MAPK4: variants seen among roughly 807,000 people sequenced by gnomAD.
MAPK4 encodes the protein Erk3-related.
Under a neutral mutation model 47.7 loss-of-function variants are expected in MAPK4, and 22 were observed. The observed-to-expected ratio is 0.46, with a 90% confidence interval of 0.33 to 0.66. The LOEUF is 0.66. Among genes scored for constraint, MAPK4 ranks in the 30% least tolerant of loss-of-function variants. MAPK4 has a pLI of 0.02. For synonymous variants in MAPK4, 390 were observed against 365.7 expected (o/e 1.07, Z -0.76); for missense variants, 736 against 831.7 (o/e 0.88, Z 1.42).
chr18:50,632,017 T>C (rs371449195), intron 1 of MAPK4, among the ~76,000 whole-genome samples: 3 of 152,112 alleles, frequency 2.0e-5, no homozygotes, highest in African/African-American at 7.2e-5. Context: ...TGTTGGCACG[T>C]GTGGGTGGCC....
In MAPK4 at chr18:50,729,364, G is replaced by A; in HGVS notation, c.1274G>A (p.Gly425Glu). The change falls in exon 6 of 6, where the codon GGG (glycine) becomes GAG (glutamate). Residue 425 changes from glycine to glutamate, a missense_variant. Around this residue, in one of 3 missense-constraint regions of MAPK4, gnomAD observed 377 missense variants for 378.6 expected, o/e 1.00. Coordinates refer to ENST00000400384, the MANE Select transcript of MAPK4 (RefSeq NM_002747.4). ...GAGCGCGCCTTCGAGGCCGACTACG[G>A]GCGCTCCTGCGACTACAAGGTGGGG... ...SMERAFEADYGRSCDYKVGSP... is the reference protein window; with the variant it reads ...SMERAFEADYERSCDYKVGSP... 6.3e-7 allele frequency: 1 copy of A among 1,577,016 alleles called. No individual in the cohort carries two copies. Among genetic ancestry groups the A allele is most frequent in the Middle Eastern group, 1.7e-4 (1 of 6,022 alleles).
At chr18:50,661,607 T>C (rs571837900) in intron 1 of MAPK4, among the ~76,000 whole-genome samples, 3 of 152,294 alleles carry the variant, frequency 2.0e-5, no homozygotes, top group African/African-American at 7.2e-5. Flanking sequence ...GGATGTGCTC[T>C]GGGCATTTGG....
chr18:50,667,409 G>A (rs1276711869), intron 2 of MAPK4, among the ~76,000 whole-genome samples: 2 of 152,150 alleles, frequency 1.3e-5, no homozygotes, highest in Non-Finnish European at 2.9e-5. Flanking sequence ...TTGTGTGGTT[G>A]GAAGGGTTGA....
chr18:50,720,311 C>T (rs919587070), intron 3 of MAPK4, among the ~76,000 whole-genome samples: 8 of 152,172 alleles, frequency 5.3e-5, no homozygotes, highest in African/African-American at 1.9e-4. Context: ...ACATCTGCTA[C>T]AAGCAAGGTA....
intron 1 of MAPK4, among the ~76,000 whole-genome samples, chr18:50,562,903 G>A (rs1350632488): frequency 1.3e-5 from 2 of 152,134 alleles, no homozygotes; most frequent in African/African-American, 4.8e-5. Flanking sequence ...ACATGGAACT[G>A]TGGTTTTTCT....
chr18:50,695,996 C>G (rs2144364786), intron 2 of MAPK4, among the ~76,000 whole-genome samples: 1 of 152,094 alleles, frequency 6.6e-6, no homozygotes, highest in East Asian at 1.9e-4. Context: ...GATTTGAACC[C>G]AGCCTCAGAG....
At position 50,727,631 on chromosome 18, in the gene MAPK4, T is replaced by G. The variant is rs140726141; in HGVS notation, c.1067+1456T>G. Among the ~76,000 whole-genome samples the G allele has an allele frequency of 2.7e-3, 413 of 152,250 alleles. 21 individuals carry two copies. In the East Asian group the frequency reaches 0.063, roughly 23 times the overall value. The stretch of plus-strand genomic sequence containing the variant: ...TGGCTCAGGGAGAGTCATCCTATAC[T>G]TTCTGCGACTGTGGCATAGGGTTGT... On this transcript the variant is annotated intron_variant, in intron 5 of 5. Coordinates refer to ENST00000400384, the MANE Select transcript of MAPK4 (RefSeq NM_002747.4).
Position 50,731,609 on chromosome 18 carries a change from A to G in MAPK4, c.*1755A>G, listed in dbSNP as rs8724. ...AGTGTTTGGGTTTTGTTTTTTCTTTAAGAAAAAGAAATGTACACCACTCCT... is the reference window on the plus strand; with the variant it reads ...AGTGTTTGGGTTTTGTTTTTTCTTTGAGAAAAAGAAATGTACACCACTCCT... On this transcript the variant is annotated 3_prime_UTR_variant, in exon 6 of 6. Transcript: ENST00000400384. 4,212 of 152,460 alleles carry G rather than the reference A, an allele frequency of 0.028. 102 individuals are homozygous for G. Among genetic ancestry groups the G allele is most frequent in the Non-Finnish European group, 0.046 (3,135 of 68,018 alleles). The allele number at this position is 152,460 out of a possible 1,614,324, so 9.4% of individuals were successfully genotyped here. A position where few individuals can be genotyped will look rare whatever the true frequency, so the allele number is the denominator to read the frequency against.
At chr18:50,706,251 G>A (rs1301592597) in intron 2 of MAPK4, 1 of 152,082 alleles carries the variant, frequency 6.6e-6, no homozygotes, top group Non-Finnish European at 1.5e-5. Context: ...ATAGAAACCT[G>A]TACTCATCCA....
chr18:50,650,272 G>T (rs1340126112), intron 1 of MAPK4, among the ~76,000 whole-genome samples: 1 of 152,168 alleles, frequency 6.6e-6, no homozygotes, highest in African/African-American at 2.4e-5. Flanking sequence ...CTGCCTCTGG[G>T]GCTGGAGGTA....
At chr18:50,710,965 G>A (rs1910331240) in intron 2 of MAPK4, among the ~76,000 whole-genome samples, 1 of 152,204 alleles carries the variant, frequency 6.6e-6, no homozygotes, top group Non-Finnish European at 1.5e-5. Flanking sequence ...AGCAAGGGCA[G>A]GCACAGGAGA....
At chr18:50,712,325 G>A (rs918377444) in intron 2 of MAPK4, among the ~76,000 whole-genome samples, 6 of 152,148 alleles carry the variant, frequency 3.9e-5, no homozygotes, top group African/African-American at 1.2e-4. Context: ...TCCTTGGGAG[G>A]CTGAGGTGGG....
rs73959971 is a variant in MAPK4 at position 50,577,659 on chromosome 18, G to T, written c.-871+17416G>T. Among the ~76,000 whole-genome samples, 1,011 of 152,196 alleles carry T rather than the reference G, an allele frequency of 6.6e-3. 14 individuals carry two copies. Among genetic ancestry groups the T allele is most frequent in the African/African-American group, 0.023 (969 of 41,520 alleles). On this transcript the variant is annotated intron_variant, in intron 1 of 5. Coordinates refer to ENST00000400384, the MANE Select transcript of MAPK4 (RefSeq NM_002747.4). ...TGGGAACACATGAAACAATAGAAGC[G>T]TTTATAAAAATGTTAGTGCTAAAAC... is the stretch of plus-strand genomic sequence containing the variant.
rs535897764 is a variant in MAPK4, at chr18:50,567,439, G to A, written c.-871+7196G>A. Among the ~76,000 whole-genome samples, 6 of 152,306 alleles carry A rather than the reference G, an allele frequency of 3.9e-5. No individual in the cohort carries two copies. The East Asian group carries it at 1.2e-3, about 29-fold the overall frequency. On this transcript the variant is annotated intron_variant, in intron 1 of 5. Transcript: ENST00000400384. ...GCTGTGTCATTGCATGAGCAACTTT[G>A]TGTCTGTGCTTTTTCTACAATTTGG...
At chr18:50,618,804 G>T (rs1186137955) in intron 1 of MAPK4, among the ~76,000 whole-genome samples, 8 of 152,128 alleles carry the variant, frequency 5.3e-5, no homozygotes, top group Non-Finnish European at 1.2e-4. Flanking sequence ...AGTGGGGCAG[G>T]TGTTTGAAAG....
chr18:50,726,112 A>T lies in MAPK4; in HGVS notation c.1004A>T (p.Asp335Val). 1 of 1,614,172 alleles carries T rather than the reference A, an allele frequency of 6.2e-7. No homozygotes were observed. Among genetic ancestry groups the T allele is most frequent in the Non-Finnish European group, 8.5e-7 (1 of 1,180,022 alleles). The change falls in exon 5 of 6, where the codon GAC becomes GTC. Residue 335 changes from aspartate to valine, a missense_variant. Transcript: ENST00000400384. Reference sequence around the variant, plus strand: ...CCCTTCCGCATTGAGGATGAGATCGACGACATCGTGCTGATGGCCGCTAAC... The same window carrying T: ...CCCTTCCGCATTGAGGATGAGATCGTCGACATCGTGCTGATGGCCGCTAAC... ...QHPFRIEDEI[D>V]DIVLMAANQS...
At chr18:50,576,886 A>C (rs898894594) in intron 1 of MAPK4, among the ~76,000 whole-genome samples, 5 of 152,214 alleles carry the variant, frequency 3.3e-5, no homozygotes, top group Admixed American at 6.5e-5. Context: ...AAAGGACCTC[A>C]TGAGAATGGA....
intron 1 of MAPK4, among the ~76,000 whole-genome samples, chr18:50,562,256 G>T (rs2042159921): frequency 6.6e-6 from 1 of 152,090 alleles, no homozygotes; most frequent in Admixed American, 6.5e-5. Context: ...TACTCCAGAT[G>T]CGTGAATCTC....
Position 50,683,454 on chromosome 18 carries a change from GT to G in MAPK4, c.546+18951del, listed in dbSNP as rs1399495203. On this transcript the variant is annotated intron_variant, in intron 2 of 5. Coordinates refer to ENST00000400384, the MANE Select transcript of MAPK4 (RefSeq NM_002747.4). Reference sequence around the variant, plus strand: ...GTTCATTATTTTTATTGGTGATGGGGTGTGTGTGTGTGTGTGTGTGTGTGTG... The same window carrying G: ...GTTCATTATTTTTATTGGTGATGGGGGTGTGTGTGTGTGTGTGTGTGTGTG... 2.3e-3 allele frequency among the ~76,000 whole-genome samples: 101 copies of G among 43,846 alleles called. 1 individual carries two copies. Among genetic ancestry groups the G allele is most frequent in the Non-Finnish European group, 3.1e-3 (69 of 22,448 alleles). The allele number at this position is 43,846 out of a possible 152,430, so 28.8% of individuals were successfully genotyped here. A position where few individuals can be genotyped will look rare whatever the true frequency, so the allele number is the denominator to read the frequency against.
Sources: gnomAD v4.1 joint callset for allele counts (sites outside exome capture counted in the v4.1 genomes callset) on GRCh38, gnomAD v4.1.1 for gene constraint, gnomAD v4.1.1 regional missense constraint, MANE v1.5 for transcripts, NCBI Gene and HGNC (gene_info 2026-07-23, HGNC 2026-07-21) for gene names.